KCNMA1: variants seen among roughly 807,000 people sequenced by gnomAD.
KCNMA1 encodes the protein Calcium-activated potassium channel subunit alpha-1.
KCNMA1 carries 29 observed loss-of-function variants against 140.0 expected under a neutral mutation model. That is an observed-to-expected ratio of 0.21 (90% CI 0.15 to 0.28). The LOEUF (loss-of-function observed/expected upper bound fraction) is 0.28, where lower values mean the gene tolerates loss of function less well. KCNMA1 is among the 10% of genes least tolerant of loss of function. The pLI is 1.00. For missense variants in KCNMA1, 880 were observed against 1,602.2 expected, an observed-to-expected ratio of 0.55 and a Z score of 7.70; for synonymous variants, 612 against 611.9, an observed-to-expected ratio of 1.00 and a Z score of 0.00.
intron 2 of KCNMA1, among the ~76,000 whole-genome samples, chr10:77,294,864 A>G (rs1222879497): frequency 6.6e-6 from 1 of 152,242 alleles, no homozygotes; most frequent in African/African-American, 2.4e-5. Context: ...GGTTGCAGTC[A>G]GCCGAGATTG....
intron 2 of KCNMA1, among the ~76,000 whole-genome samples, chr10:77,357,056 A>G (rs186099574): frequency 2.9e-4 from 44 of 152,364 alleles, no homozygotes; most frequent in African/African-American, 1.1e-3. Context: ...CAAGTATAAA[A>G]CCAACACAGA....
Position 76,887,161 on chromosome 10 carries a change from A to AT in KCNMA1, c.*104_*105insA. ...CATATGCAAATATGTGTAAAAAAAA[A>AT]GGGGGGGACTACAGGGGAAAACAGG... On this transcript the variant is annotated 3_prime_UTR_variant, in exon 28 of 28. Coordinates refer to ENST00000286628, the MANE Select transcript of KCNMA1 (RefSeq NM_001161352.2). 2.5e-6 allele frequency: 4 copies of AT among 1,609,030 alleles called. No homozygotes were observed. The highest frequency in any genetic ancestry group is 3.4e-6 in the Non-Finnish European group (4 of 1,178,630).
intron 1 of KCNMA1, among the ~76,000 whole-genome samples, chr10:77,623,075 G>T (rs1039172457): frequency 3.9e-5 from 6 of 152,192 alleles, no homozygotes; most frequent in Non-Finnish European, 7.3e-5. Flanking sequence ...TCATTTTAAA[G>T]CCCTGCCTAG....
At chr10:77,191,562 G>A (rs1034081278) in intron 3 of KCNMA1, among the ~76,000 whole-genome samples, 2 of 152,096 alleles carry the variant, frequency 1.3e-5, no homozygotes, top group African/African-American at 4.8e-5. Flanking sequence ...TGTTCAATAA[G>A]TTGTGTAGTT....
intron 1 of KCNMA1, among the ~76,000 whole-genome samples, chr10:77,418,351 C>T (rs1057099521): frequency 3.9e-5 from 6 of 152,190 alleles, no homozygotes; most frequent in African/African-American, 4.8e-5. Flanking sequence ...GAGAGAGACT[C>T]GGCAGCTGTG....
At chr10:77,634,135 T>G in intron 1 of KCNMA1, 1 of 985,188 alleles carries the variant, frequency 1.0e-6, no homozygotes, top group Non-Finnish European at 1.2e-6. Flanking sequence ...CATGGCTTTA[T>G]TCAGGCTACC....
At chr10:77,468,758 T>C (rs1174966034) in intron 1 of KCNMA1, among the ~76,000 whole-genome samples, 3 of 152,168 alleles carry the variant, frequency 2.0e-5, no homozygotes, top group Non-Finnish European at 4.4e-5. Flanking sequence ...AGCAAACTAA[T>C]ACAGTGCCTC....
intron 14 of KCNMA1, among the ~76,000 whole-genome samples, chr10:77,043,971 G>T (rs1416449675): frequency 6.6e-6 from 1 of 152,158 alleles, no homozygotes. Flanking sequence ...GCTTAAAAAT[G>T]ATTAAGATAG....
At position 77,090,447 on chromosome 10, in the gene KCNMA1, C is replaced by A. The variant is rs147378590; in HGVS notation, c.1287G>T (p.Leu429=). 57 of 1,614,078 alleles carry A rather than the reference C, an allele frequency of 3.5e-5. No individual in the cohort carries two copies. In the African/African-American group the frequency reaches 6.4e-4, roughly 18 times the overall value. ...ESVSNFLKDF[L]HKDRDDVNVE... Reference sequence around the variant, plus strand: ...CATTGACGTCATCCCGGTCCTTGTGCAGAAAGTCCTTCAGGAAGTTGGAAA... The same window carrying A: ...CATTGACGTCATCCCGGTCCTTGTGAAGAAAGTCCTTCAGGAAGTTGGAAA... Residue 429 remains leucine (L), a synonymous_variant, in exon 10 of 28, where the codon CTG becomes CTT. Transcript: ENST00000286628.
intron 17 of KCNMA1, among the ~76,000 whole-genome samples, chr10:77,014,005 G>A (rs796377248): frequency 1.3e-4 from 20 of 152,148 alleles, no homozygotes; most frequent in African/African-American, 4.6e-4. Flanking sequence ...AATAATAATT[G>A]TATTATATGT....
chr10:76,884,845 T>C (rs987631111), downstream of KCNMA1: 5 of 1,243,680 alleles, frequency 4.0e-6, no homozygotes, highest in Non-Finnish European at 5.3e-6. Flanking sequence ...AACAGAACAA[T>C]ATAAATAAAA....
intron 3 of KCNMA1, among the ~76,000 whole-genome samples, chr10:77,246,749 T>C (rs962117392): frequency 7.9e-5 from 12 of 152,070 alleles, no homozygotes; most frequent in Non-Finnish European, 1.3e-4. Context: ...AATGGGTGAG[T>C]GGATGCAAAA....
intron 1 of KCNMA1, among the ~76,000 whole-genome samples, chr10:77,617,523 C>T (rs746558723): frequency 6.6e-6 from 1 of 152,102 alleles, no homozygotes; most frequent in Non-Finnish European, 1.5e-5. Context: ...AAGCTGCAGA[C>T]AGGGATAAGA....
chr10:77,019,107 G>A lies in KCNMA1; in HGVS notation c.1929-8C>T, dbSNP rs201911998. 1 of 1,435,162 alleles carries A rather than the reference G, an allele frequency of 7.0e-7. No homozygotes were observed. The highest frequency in any genetic ancestry group is 9.8e-7 in the Non-Finnish European group (1 of 1,017,846). The allele number at this position is 1,435,162 out of a possible 1,614,324, so 88.9% of individuals were successfully genotyped here. A position where few individuals can be genotyped will look rare whatever the true frequency, so the allele number is the denominator to read the frequency against. ...CCAGGATTAATTAATATACTGCTCA[G>A]TGAACAAAAACAAACAGAGAAGATA... On this transcript the variant is annotated splice_region_variant and splice_polypyrimidine_tract_variant and intron_variant, in intron 16 of 27. Coordinates refer to ENST00000286628, the MANE Select transcript of KCNMA1 (RefSeq NM_001161352.2).
intron 2 of KCNMA1, among the ~76,000 whole-genome samples, chr10:77,379,832 T>C (rs2095317639): frequency 6.6e-6 from 1 of 152,114 alleles, no homozygotes; most frequent in Admixed American, 6.5e-5. Context: ...TATGTTTCAA[T>C]ACAAAACATT....
At chr10:76,984,761 T>G (rs183472333) in intron 19 of KCNMA1, among the ~76,000 whole-genome samples, 85 of 152,338 alleles carry the variant, frequency 5.6e-4, no homozygotes, top group African/African-American at 1.8e-3. Flanking sequence ...GTAACATGTA[T>G]TTAACTTGGA....
chr10:77,213,185 C>A (rs2046648583), intron 3 of KCNMA1, among the ~76,000 whole-genome samples: 1 of 151,664 alleles, frequency 6.6e-6, no homozygotes, highest in African/African-American at 2.4e-5. Context: ...TGATGTATAA[C>A]ATTCACAGGG....
intron 14 of KCNMA1, among the ~76,000 whole-genome samples, chr10:77,060,852 T>C (rs2153667461): frequency 6.6e-6 from 1 of 152,248 alleles, no homozygotes; most frequent in South Asian, 2.1e-4. Flanking sequence ...AGTGATGCGA[T>C]GACAGGGACA....
chr10:76,933,602 A>G (rs2059803314), intron 23 of KCNMA1, among the ~76,000 whole-genome samples: 1 of 152,110 alleles, frequency 6.6e-6, no homozygotes, highest in South Asian at 2.1e-4. Flanking sequence ...ACCTTTATTT[A>G]TATTAATCAC....
Sources: allele counts gnomAD v4.1 joint callset (sites outside exome capture counted in the v4.1 genomes callset), GRCh38; gene constraint gnomAD v4.1.1; transcripts MANE v1.5; gene names NCBI Gene and HGNC (gene_info 2026-07-23, HGNC 2026-07-21).